ERBIN: variants seen among roughly 807,000 people sequenced by gnomAD.
ERBIN encodes erbb2 interacting protein.
ERBIN carries 60 observed loss-of-function variants against 158.4 expected under a neutral mutation model. The ratio of observed to expected loss-of-function variants is 0.38; its 90% CI spans 0.31 to 0.47. The LOEUF (loss-of-function observed/expected upper bound fraction) is 0.47. Among genes scored for constraint, ERBIN ranks in the 20% least tolerant of loss-of-function variants. The probability of loss-of-function intolerance (pLI) is 0.99; values close to 1 mark genes in which losing one functional copy is unlikely to be tolerated. For missense variants in ERBIN, 1,610 were observed against 1,648.0 expected, an observed-to-expected ratio of 0.98 and a Z score of 0.40; for synonymous variants, 594 against 557.2, an observed-to-expected ratio of 1.07 and a Z score of -0.93.
chr5:66,062,755 A>T (rs974756392), intron 21 of ERBIN, among the ~76,000 whole-genome samples: 1 of 152,076 alleles, frequency 6.6e-6, no homozygotes, highest in Non-Finnish European at 1.5e-5. Flanking sequence ...TTTTCCTTCT[A>T]ATAGTCACAA....
intron 1 of ERBIN, among the ~76,000 whole-genome samples, chr5:65,977,383 G>T (rs1202306568): frequency 4.7e-5 from 7 of 149,820 alleles, no homozygotes; most frequent in African/African-American, 1.5e-4. Context: ...GGGCGGAGGG[G>T]CTCCTCACTT....
chr5:66,072,854 G>T (rs1761652064), intron 22 of ERBIN, among the ~76,000 whole-genome samples: 1 of 151,996 alleles, frequency 6.6e-6, no homozygotes, highest in African/African-American at 2.4e-5. Flanking sequence ...CTGATTCCAT[G>T]CCTCTAGTAT....
chr5:65,944,136 CT>C (rs1156260106), intron 1 of ERBIN, among the ~76,000 whole-genome samples: 6 of 151,364 alleles, frequency 4.0e-5, no homozygotes, highest in Non-Finnish European at 5.9e-5. Flanking sequence ...TGAGACCCAG[CT>C]TTCATTTCTT....
chr5:66,029,426 C>T (rs895714253), intron 14 of ERBIN, among the ~76,000 whole-genome samples: 4 of 152,140 alleles, frequency 2.6e-5, no homozygotes. Context: ...ATGAACTCCG[C>T]AGCCAAATTT....
intron 4 of ERBIN, among the ~76,000 whole-genome samples, chr5:66,001,972 A>G (rs1394334433): frequency 6.7e-6 from 1 of 149,886 alleles, no homozygotes; most frequent in African/African-American, 2.5e-5. Context: ...CTTTCCCCTC[A>G]CTCCCCATCA....
At chr5:65,999,695 T>G (rs1752827788) in intron 4 of ERBIN, among the ~76,000 whole-genome samples, 1 of 152,220 alleles carries the variant, frequency 6.6e-6, no homozygotes, top group Non-Finnish European at 1.5e-5. Context: ...TTTGAAGTGT[T>G]TAGATCAGTT....
intron 1 of ERBIN, among the ~76,000 whole-genome samples, chr5:65,948,464 G>A (rs528307189): frequency 2.0e-5 from 3 of 151,940 alleles, no homozygotes; most frequent in South Asian, 2.1e-4. Flanking sequence ...AGGTGTGAGC[G>A]ACTGCATCCA....
At chr5:66,069,636 GAAC>G (rs1761348269) in intron 21 of ERBIN, among the ~76,000 whole-genome samples, 1 of 152,116 alleles carries the variant, frequency 6.6e-6, no homozygotes, top group African/African-American at 2.4e-5. Context: ...GAGAAAGAAA[GAAC>G]AACTCTGGCA....
intron 21 of ERBIN, among the ~76,000 whole-genome samples, chr5:66,060,018 G>T (rs566180805): frequency 6.6e-6 from 1 of 152,128 alleles, no homozygotes; most frequent in Non-Finnish European, 1.5e-5. Context: ...TTGTGTCTCT[G>T]CCTGGCTTTC....
chr5:65,950,404 G>T (rs1301013163), intron 1 of ERBIN, among the ~76,000 whole-genome samples: 2 of 152,076 alleles, frequency 1.3e-5, no homozygotes, highest in Non-Finnish European at 2.9e-5. Context: ...TTCTAAGTTT[G>T]GGTTTTTCTG....
At chr5:66,057,997 G>C (rs569708631) in intron 21 of ERBIN, among the ~76,000 whole-genome samples, 1 of 152,044 alleles carries the variant, frequency 6.6e-6, no homozygotes, top group East Asian at 1.9e-4. Flanking sequence ...ATAAACATAC[G>C]TGTGCATGTG....
chr5:65,940,454 G>A (rs1462610859), intron 1 of ERBIN, among the ~76,000 whole-genome samples: 78 of 136,680 alleles, frequency 5.7e-4, no homozygotes, highest in Non-Finnish European at 1.1e-3. Flanking sequence ...TGCCCCGTCC[G>A]GGAGGGAGGT....
intron 20 of ERBIN, among the ~76,000 whole-genome samples, 167 bp downstream of exon 20, chr5:66,051,133 A>G (rs1758979023): frequency 6.6e-6 from 1 of 152,122 alleles, no homozygotes; most frequent in African/African-American, 2.4e-5. Flanking sequence ...GTTTTTATAC[A>G]TTTCCATCTT....
At chr5:65,960,384 C>G (rs966867863) in intron 1 of ERBIN, among the ~76,000 whole-genome samples, 4 of 152,116 alleles carry the variant, frequency 2.6e-5, no homozygotes, top group Non-Finnish European at 4.4e-5. Context: ...GTGGAAATGT[C>G]CTGTATCTTG....
chr5:66,075,064 C>T lies in ERBIN; in HGVS notation c.3797C>T (p.Pro1266Leu). ...SNGQMGQPLR[P>L]QANYSQIHHP... ...GGACAGATGGGCCAGCCTCTCAGGC[C>T]TCAGGCAAATTATAGTCAAATACAT... is the stretch of plus-strand genomic sequence containing the variant. The change falls in exon 23 of 26, where the codon CCT (proline) becomes CTT (leucine). Residue 1266 changes from proline (P) to leucine (L), a missense_variant. Physicochemically the swap from Pro to Leu is moderately conservative, Grantham distance 98 (BLOSUM62 -3). Around this residue, in one of 2 missense-constraint regions of ERBIN, gnomAD observed 1,014 missense variants for 936.1 expected, o/e 1.08. Transcript: ENST00000284037. 1 of 1,614,060 alleles carries T rather than the reference C, an allele frequency of 6.2e-7. No individual in the cohort carries two copies. The highest frequency in any genetic ancestry group is 8.5e-7 in the Non-Finnish European group (1 of 1,180,006).
rs558900906 is a variant in ERBIN, at chr5:66,046,522, A to G, written c.1772A>G (p.His591Arg). The change falls in exon 18 of 26, where the codon CAT (histidine) becomes CGT (arginine). Residue 591 changes from histidine (H) to arginine (R), a missense_variant. Around this residue, in one of 2 missense-constraint regions of ERBIN, gnomAD observed 596 missense variants for 711.9 expected, o/e 0.84. Coordinates refer to ENST00000284037, the MANE Select transcript of ERBIN (RefSeq NM_001253697.2). ...ASENLKHIVN[H>R]DDVFEESEEL... ...GAGAACTTGAAGCATATTGTTAACC[A>G]TGATGATGTTTTTGAGGTATGATTT... The G allele has an allele frequency of 2.6e-5, 41 of 1,582,186 alleles. 1 individual carries two copies. The South Asian group carries it at 4.4e-4, about 17-fold the overall frequency.
intron 1 of ERBIN, chr5:65,961,355 G>A (rs887937373): frequency 1.3e-5 from 2 of 152,100 alleles, no homozygotes; most frequent in South Asian, 2.1e-4. Context: ...TGATACTGGT[G>A]TTTATTTATA....
intron 14 of ERBIN, among the ~76,000 whole-genome samples, chr5:66,035,099 A>G (rs1757265072): frequency 6.6e-6 from 1 of 152,138 alleles, no homozygotes; most frequent in African/African-American, 2.4e-5. Context: ...CTTTTCAGAC[A>G]TATTTGTTCT....
intron 1 of ERBIN, among the ~76,000 whole-genome samples, chr5:65,953,136 G>A (rs375352050): frequency 1.3e-5 from 2 of 152,064 alleles, no homozygotes; most frequent in African/African-American, 4.8e-5. Flanking sequence ...TCCACTGCTC[G>A]TTACTACAAT....
Sources: gnomAD v4.1 joint callset for allele counts (sites outside exome capture counted in the v4.1 genomes callset) on GRCh38, gnomAD v4.1.1 for gene constraint, gnomAD v4.1.1 regional missense constraint, MANE v1.5 for transcripts, NCBI Gene and HGNC (gene_info 2026-07-23, HGNC 2026-07-21) for gene names.